DDX31: variants seen among roughly 807,000 people sequenced by gnomAD.
DDX31 encodes the protein DEAD-box helicase 31.
A neutral mutation model predicts 91.3 loss-of-function variants in DDX31; 70 were observed. The observed-to-expected ratio is 0.77, with a 90% CI of 0.63 to 0.94. The LOEUF (loss-of-function observed/expected upper bound fraction) is 0.94, where lower values mean the gene tolerates loss of function less well. Among genes scored for constraint, DDX31 ranks in the 40% least tolerant of loss-of-function variants. The probability of loss-of-function intolerance (pLI) is 0.00; values close to 1 mark genes in which losing one functional copy is unlikely to be tolerated. For synonymous variants in DDX31, 362 were observed against 350.6 expected (o/e 1.03, Z -0.36); for missense variants, 902 against 925.0 (o/e 0.98, Z 0.32).
At chr9:132,597,354 C>A (rs1212449551) in intron 19 of DDX31, among the ~76,000 whole-genome samples, 1 of 152,168 alleles carries the variant, frequency 6.6e-6, no homozygotes. Context: ...CTGAAGGCTG[C>A]CAGTTCCTGT....
At chr9:132,638,432 A>C (rs1320869915) in intron 14 of DDX31, 1 of 1,608,228 alleles carries the variant, frequency 6.2e-7, no homozygotes, top group Non-Finnish European at 8.5e-7. Context: ...TTGATTGCTT[A>C]ATTCCACTTG....
In DDX31 at chr9:132,669,973, G is replaced by T; in HGVS notation, c.-39C>A. 6.3e-7 allele frequency: 1 copy of T among 1,577,042 alleles called. No homozygotes were observed. The highest frequency in any genetic ancestry group is 8.6e-7 in the Non-Finnish European group (1 of 1,162,466). On this transcript the variant is annotated 5_prime_UTR_variant, in exon 1 of 20. Transcript: ENST00000372159. ...GACGCGTGGTGCAGCAGCGAGCCCG[G>T]TGCGCAGACTGCTGGGCCCGGGACC...
chr9:132,635,455 C>A (rs1241144955), intron 14 of DDX31, among the ~76,000 whole-genome samples: 1 of 104,682 alleles, frequency 9.6e-6, no homozygotes, highest in Non-Finnish European at 1.9e-5. Flanking sequence ...ATGTACATAG[C>A]TTTTTTTTTT....
chr9:132,631,478 G>A (rs994247912), intron 15 of DDX31, among the ~76,000 whole-genome samples: 2 of 152,128 alleles, frequency 1.3e-5, no homozygotes, highest in Admixed American at 6.5e-5. Flanking sequence ...CATGACTCAC[G>A]TCAACAGGGC....
At chr9:132,652,867 G>A (rs938665970) in intron 6 of DDX31, among the ~76,000 whole-genome samples, 1 of 151,926 alleles carries the variant, frequency 6.6e-6, no homozygotes, top group African/African-American at 2.4e-5. Context: ...AATGTCTTTC[G>A]TCCTCTGCCA....
At chr9:132,654,091 G>T (rs1393061488) in intron 6 of DDX31, among the ~76,000 whole-genome samples, 1 of 152,094 alleles carries the variant, frequency 6.6e-6, no homozygotes, top group African/African-American at 2.4e-5. Flanking sequence ...GGAAAACAAA[G>T]CTGGAATTGT....
At chr9:132,608,191 G>A (rs1370705576) in intron 19 of DDX31, among the ~76,000 whole-genome samples, 2 of 152,174 alleles carry the variant, frequency 1.3e-5, no homozygotes, top group African/African-American at 4.8e-5. Context: ...ATATTTTACC[G>A]ACAGCACCAA....
At chr9:132,612,434 A>C in intron 18 of DDX31, 179 bp from the exon 19 acceptor site, 1 of 663,328 alleles carries the variant, frequency 1.5e-6, no homozygotes, top group Non-Finnish European at 2.5e-6. Flanking sequence ...TTCAATTCCT[A>C]AACAACAAAA....
chr9:132,639,184 G>GCT (rs567937191), intron 14 of DDX31, among the ~76,000 whole-genome samples: 209 of 152,198 alleles, frequency 1.4e-3, no homozygotes, highest in Non-Finnish European at 2.2e-3. Context: ...TCGCCCCGCA[G>GCT]CTCTCATATG....
chr9:132,612,189 C>T lies in DDX31; in HGVS notation c.1892G>A (p.Arg631Gln), dbSNP rs774250665. 50 of 1,614,024 alleles carry T rather than the reference C, an allele frequency of 3.1e-5. No individual in the cohort carries two copies. In the Middle Eastern group the frequency reaches 4.9e-4, roughly 16 times the overall value. Residue 631 changes from arginine to glutamine, a missense_variant, in exon 19 of 20, where the codon CGA becomes CAA. Arg to Gln is a conservative substitution (Grantham distance 43, BLOSUM62 1). Transcript: ENST00000372159. ...CGCCACATGCCCAAGGTGGAGGGAT[C>T]GGACGTGGAAGATGTGCTTCAGCTC... is the stretch of plus-strand genomic sequence containing the variant. ...PRELKHIFHV[R>Q]SLHLGHVAKS...
rs1041409601 is a variant in DDX31, at chr9:132,624,536, T to C, written c.1713+1128A>G. On this transcript the variant is annotated intron_variant, in intron 17 of 19. Transcript: ENST00000372159. The stretch of plus-strand genomic sequence containing the variant: ...AAAGGCATATTGGTATACAGTTAAA[T>C]ATATGTGCTTTGAAGTTAAGACTTC... Among the ~76,000 whole-genome samples, 4 of 152,216 alleles carry C rather than the reference T, an allele frequency of 2.6e-5. No homozygotes were observed. The East Asian group carries it at 5.8e-4, about 22-fold the overall frequency.
In DDX31 at chr9:132,646,746, C is replaced by T. The variant is rs951567107; in HGVS notation, c.1203+77G>A. 6 of 1,437,900 alleles carry T rather than the reference C, an allele frequency of 4.2e-6. No individual in the cohort carries two copies. The Admixed American group carries it at 5.2e-5, about 12-fold the overall frequency. 89.1% of individuals were successfully genotyped at this position (1,437,900 alleles called of 1,614,324 possible). A position where few individuals can be genotyped will look rare whatever the true frequency, so the allele number is the denominator to read the frequency against. ...ACCTCTGATTTTTGGTGTCTCAACT[C>T]ATTGCTCCCAATGGCTTAACACAAG... On this transcript the variant is annotated intron_variant, in intron 12 of 19. Transcript: ENST00000372159.
chr9:132,625,252 CTG>C, intron 17 of DDX31, among the ~76,000 whole-genome samples: 1 of 152,336 alleles, frequency 6.6e-6, no homozygotes, highest in South Asian at 2.1e-4. Context: ...GATGAACTAA[CTG>C]TGTCTGAAAG....
chr9:132,628,382 C>T (rs775098871), intron 16 of DDX31, among the ~76,000 whole-genome samples: 4 of 152,156 alleles, frequency 2.6e-5, no homozygotes, highest in Admixed American at 2.0e-4. Context: ...CTTTCTAATG[C>T]GGGATTAAAA....
intron 15 of DDX31, among the ~76,000 whole-genome samples, chr9:132,631,787 G>A (rs996036402): frequency 1.3e-5 from 2 of 152,104 alleles, no homozygotes; most frequent in Non-Finnish European, 1.5e-5. Context: ...TTTGTGACAC[G>A]AATTAGTCTA....
Position 132,594,685 on chromosome 9 carries a change from G to T in DDX31, c.*181C>A. 9.7e-7 allele frequency: 1 copy of T among 1,033,450 alleles called. No homozygotes were observed. The highest frequency in any genetic ancestry group is 1.4e-6 in the Non-Finnish European group (1 of 715,436). 64.0% of individuals were successfully genotyped at this position (1,033,450 alleles called of 1,614,324 possible). A position where few individuals can be genotyped will look rare whatever the true frequency, so the allele number is the denominator to read the frequency against. ...AGTCTCTACAGTGCCCCACACCACTGATTTCTATCAGGCTCCAGGGCCTCC... is the reference window on the plus strand; with the variant it reads ...AGTCTCTACAGTGCCCCACACCACTTATTTCTATCAGGCTCCAGGGCCTCC... On this transcript the variant is annotated 3_prime_UTR_variant, in exon 20 of 20. Coordinates refer to ENST00000372159, the MANE Select transcript of DDX31 (RefSeq NM_022779.9).
intron 19 of DDX31, among the ~76,000 whole-genome samples, chr9:132,606,536 G>A (rs1831035534): frequency 6.6e-6 from 1 of 152,206 alleles, no homozygotes; most frequent in Non-Finnish European, 1.5e-5. Context: ...CGACAATATG[G>A]TCGTTGTGAT....
At chr9:132,669,816 C>A in intron 1 of DDX31, 44 bp downstream of exon 1, 1 of 1,532,148 alleles carries the variant, frequency 6.5e-7, no homozygotes, top group African/African-American at 1.4e-5. Flanking sequence ...CGCCCACAGC[C>A]GGGCCGCGGG....
intron 17 of DDX31, among the ~76,000 whole-genome samples, 185 bp downstream of exon 17, chr9:132,625,479 C>T (rs565711523): frequency 6.6e-6 from 1 of 151,180 alleles, no homozygotes; most frequent in East Asian, 1.9e-4. Flanking sequence ...GAGTGGCAAA[C>T]GCATCCAGAA....
Sources: allele counts gnomAD v4.1 joint callset (sites outside exome capture counted in the v4.1 genomes callset), GRCh38; gene constraint gnomAD v4.1.1; transcripts MANE v1.5; gene names NCBI Gene and HGNC (gene_info 2026-07-23, HGNC 2026-07-21).